The following PDE6A variants were observed in gnomAD, a reference collection of about 807,000 sequenced individuals.
PDE6A encodes the protein rod cGMP-specific 3',5'-cyclic phosphodiesterase subunit alpha.
PDE6A carries 84 observed loss-of-function variants against 106.3 expected under a neutral mutation model. The observed-to-expected ratio is 0.79, with a 90% confidence interval of 0.66 to 0.95. The LOEUF is 0.95. PDE6A is among the 40% of genes least tolerant of loss of function. The probability of loss-of-function intolerance (pLI) is 0.00; values close to 1 mark genes in which losing one functional copy is unlikely to be tolerated. For missense variants in PDE6A, 1,052 were observed against 1,084.9 expected, an observed-to-expected ratio of 0.97 and a Z score of 0.43; for synonymous variants, 394 against 386.6, an observed-to-expected ratio of 1.02 and a Z score of -0.23.
At chr5:149,864,095 G>T (rs1760239647) in intron 20 of PDE6A, among the ~76,000 whole-genome samples, 1 of 152,100 alleles carries the variant, frequency 6.6e-6, no homozygotes, top group East Asian at 1.9e-4. Flanking sequence ...GACTCCCTTT[G>T]CTTGTCTCCC....
At chr5:149,917,085 C>T (rs1345637354) in intron 5 of PDE6A, among the ~76,000 whole-genome samples, 5 of 147,328 alleles carry the variant, frequency 3.4e-5, no homozygotes, top group South Asian at 2.1e-4. Flanking sequence ...CTTGCTCTGT[C>T]GCCCAAGCTG....
intron 4 of PDE6A, among the ~76,000 whole-genome samples, chr5:149,928,589 A>C (rs1416472332): frequency 6.6e-6 from 1 of 152,150 alleles, no homozygotes; most frequent in African/African-American, 2.4e-5. Flanking sequence ...TTCTTATACC[A>C]GCATCACCAC....
intron 16 of PDE6A, among the ~76,000 whole-genome samples, chr5:149,884,013 T>G (rs60023657): frequency 6.6e-6 from 1 of 151,942 alleles, no homozygotes; most frequent in African/African-American, 2.4e-5. Flanking sequence ...GGTAACATAG[T>G]GAGAACCCAT....
intron 1 of PDE6A, among the ~76,000 whole-genome samples, chr5:149,940,917 C>T (rs1351239771): frequency 6.6e-6 from 1 of 152,134 alleles, no homozygotes; most frequent in African/African-American, 2.4e-5. Flanking sequence ...GTCTCTGAAG[C>T]CCCCTTCCTC....
At chr5:149,932,394 G>C (rs1754060111) in intron 3 of PDE6A, 5 of 1,363,896 alleles carry the variant, frequency 3.7e-6, no homozygotes. Context: ...AAGTACACGA[G>C]GTGCTGTTTT....
rs542406532 is a variant in PDE6A at position 149,906,665 on chromosome 5, A to G, written c.1065+647T>C. 1.3e-4 allele frequency among the ~76,000 whole-genome samples: 20 copies of G among 152,114 alleles called. No homozygotes were observed. The South Asian group carries it at 4.0e-3, about 30-fold the overall frequency. On this transcript the variant is annotated intron_variant, in intron 7 of 21. Coordinates refer to ENST00000255266, the MANE Select transcript of PDE6A (RefSeq NM_000440.3). ...CCAGCCACACTTAACCATACACAGC[A>G]CACTGCTCCAGTCCTCCATGCCCAT...
intron 6 of PDE6A, among the ~76,000 whole-genome samples, chr5:149,912,465 T>G (rs552331052): frequency 2.6e-5 from 4 of 152,212 alleles, no homozygotes; most frequent in Non-Finnish European, 5.9e-5. Flanking sequence ...ACCACTCAAG[T>G]AATGTGTGGC....
At chr5:149,917,737 C>A (rs534380894) in intron 5 of PDE6A, among the ~76,000 whole-genome samples, 1 of 152,290 alleles carries the variant, frequency 6.6e-6, no homozygotes, top group East Asian at 1.9e-4. Context: ...GATTCCTGTT[C>A]TAGTTTCGGT....
chr5:149,877,849 A>G (rs915386312), intron 17 of PDE6A, among the ~76,000 whole-genome samples: 5 of 152,222 alleles, frequency 3.3e-5, no homozygotes, highest in African/African-American at 1.2e-4. Flanking sequence ...TGCAGGATGC[A>G]AAACCCATGT....
chr5:149,890,642 G>A (rs540283568), intron 13 of PDE6A, among the ~76,000 whole-genome samples: 35 of 152,202 alleles, frequency 2.3e-4, no homozygotes, highest in Non-Finnish European at 4.1e-4. Context: ...CTTTAACCAT[G>A]ACCATGTAAA....
chr5:149,926,213 C>T (rs996688246), intron 4 of PDE6A, among the ~76,000 whole-genome samples: 4 of 151,264 alleles, frequency 2.6e-5, no homozygotes, highest in Admixed American at 6.6e-5. Flanking sequence ...CTGCACTCCA[C>T]GCTGGGCAAA....
chr5:149,909,892 A>T (rs1753320900), intron 6 of PDE6A, among the ~76,000 whole-genome samples: 1 of 152,210 alleles, frequency 6.6e-6, no homozygotes, highest in Non-Finnish European at 1.5e-5. Context: ...TTTCCTAATT[A>T]GCTTTTTGTT....
chr5:149,934,749 G>A, intron 1 of PDE6A, 31 bp from the exon 2 acceptor site: 3 of 1,612,264 alleles, frequency 1.9e-6, no homozygotes, highest in Non-Finnish European at 2.5e-6. Flanking sequence ...GCACGGACAG[G>A]CAAATGAAGA....
At chr5:149,905,577 A>G (rs1753150148) in intron 7 of PDE6A, among the ~76,000 whole-genome samples, 1 of 152,144 alleles carries the variant, frequency 6.6e-6, no homozygotes, top group South Asian at 2.1e-4. Context: ...CCAATCACAA[A>G]GCCCTGCCAG....
intron 13 of PDE6A, among the ~76,000 whole-genome samples, chr5:149,894,368 A>G (rs925003697): frequency 1.3e-5 from 2 of 152,172 alleles, no homozygotes; most frequent in African/African-American, 4.8e-5. Flanking sequence ...GGGGAAAAGA[A>G]CACATGATGT....
intron 4 of PDE6A, among the ~76,000 whole-genome samples, 185 bp downstream of exon 4, chr5:149,930,843 C>G (rs1030142968): frequency 1.3e-5 from 2 of 152,090 alleles, no homozygotes; most frequent in African/African-American, 4.8e-5. Flanking sequence ...CACCTGTGCC[C>G]TAGATTGACT....
chr5:149,903,147 TAAAAAAAAAAAAA>T (rs373566897), intron 8 of PDE6A, among the ~76,000 whole-genome samples: 9 of 90,998 alleles, frequency 9.9e-5, no homozygotes, highest in African/African-American at 3.8e-4. Context: ...AGACCCTCTC[TAAAAAAAAAAAAA>T]AAAAAAAACA....
chr5:149,930,133 A>T (rs1176007215), intron 4 of PDE6A, among the ~76,000 whole-genome samples: 1 of 152,232 alleles, frequency 6.6e-6, no homozygotes, highest in Non-Finnish European at 1.5e-5. Flanking sequence ...GTAAAACATT[A>T]AGTAAAAAAT....
At chr5:149,884,326 G>GTA (rs1761053496) in intron 16 of PDE6A, among the ~76,000 whole-genome samples, 153 bp downstream of exon 16, 1 of 146,608 alleles carries the variant, frequency 6.8e-6, no homozygotes. Flanking sequence ...GTATATATGT[G>GTA]TATATATGTA....
Sources: gnomAD v4.1 joint callset for allele counts (sites outside exome capture counted in the v4.1 genomes callset) on GRCh38, gnomAD v4.1.1 for gene constraint, MANE v1.5 for transcripts, NCBI Gene and HGNC (gene_info 2026-07-23, HGNC 2026-07-21) for gene names.